DNAJC7: variants seen among roughly 807,000 people sequenced by gnomAD.
The protein encoded by DNAJC7 is DnaJ heat shock protein family (Hsp40) member C7.
DNAJC7 carries 18 observed loss-of-function variants against 67.4 expected under a neutral mutation model. The observed-to-expected ratio is 0.27, with a 90% CI of 0.18 to 0.40. DNAJC7 has a LOEUF of 0.40. DNAJC7 is among the 10% of genes least tolerant of loss of function. The probability of loss-of-function intolerance (pLI) is 1.00; values close to 1 mark genes in which losing one functional copy is unlikely to be tolerated. For synonymous variants in DNAJC7, 220 were observed against 207.8 expected (o/e 1.06, Z -0.50); for missense variants, 419 against 613.8 (o/e 0.68, Z 3.35).
chr17:41,996,737 C>T (rs1340592649), intron 3 of DNAJC7, among the ~76,000 whole-genome samples: 5 of 152,044 alleles, frequency 3.3e-5, no homozygotes, highest in South Asian at 2.1e-4. Flanking sequence ...AAGCCGAGAT[C>T]GCGCCACTGC....
At chr17:41,985,098 G>C (rs1440147304) in intron 9 of DNAJC7, 1 of 152,354 alleles carries the variant, frequency 6.6e-6, no homozygotes, top group Non-Finnish European at 1.5e-5. Flanking sequence ...CAAAGTGCTG[G>C]GATTATAGGC....
intron 6 of DNAJC7, among the ~76,000 whole-genome samples, 170 bp from the exon 7 acceptor site, chr17:41,989,727 A>G (rs2051465774): frequency 6.6e-6 from 1 of 152,212 alleles, no homozygotes; most frequent in East Asian, 1.9e-4. Context: ...AACCACCTAT[A>G]ATTATCTTTA....
At chr17:41,984,971 G>C (rs1309790611) in intron 9 of DNAJC7, 1 of 152,286 alleles carries the variant, frequency 6.6e-6, no homozygotes, top group Non-Finnish European at 1.5e-5. Flanking sequence ...GGGATTACAG[G>C]CATGTGCCAC....
chr17:41,977,992 C>G (rs1374006938), intron 12 of DNAJC7, among the ~76,000 whole-genome samples: 1 of 152,104 alleles, frequency 6.6e-6, no homozygotes, highest in Admixed American at 6.5e-5. Flanking sequence ...CTACTAGGTG[C>G]AAAGTACTAG....
At chr17:42,014,277 C>T (rs1216258359) in intron 1 of DNAJC7, 1 of 150,798 alleles carries the variant, frequency 6.6e-6, no homozygotes, top group Non-Finnish European at 1.5e-5. Context: ...AAGCGACTCT[C>T]CTGCCTCAGA....
At chr17:41,990,120 T>C (rs2051475867) in intron 6 of DNAJC7, 144 bp downstream of exon 6, 2 of 720,646 alleles carry the variant, frequency 2.8e-6, no homozygotes, top group East Asian at 5.5e-5. Flanking sequence ...TCAAAGCTGG[T>C]CTAATCTTTG....
chr17:41,994,814 C>T (rs1015980349), intron 5 of DNAJC7, 56 bp downstream of exon 5: 5 of 1,491,734 alleles, frequency 3.4e-6, no homozygotes, highest in Non-Finnish European at 3.7e-6. Flanking sequence ...CACACACACA[C>T]GAATGGGAAT....
chr17:42,016,992 G>A, intron 1 of DNAJC7: 1 of 1,257,190 alleles, frequency 8.0e-7, no homozygotes, highest in Non-Finnish European at 1.0e-6. Context: ...CGCGGGGGTC[G>A]GGGGCGATGT....
At chr17:41,994,740 C>A (rs1337338176) in intron 5 of DNAJC7, 130 bp downstream of exon 5, 6 of 713,272 alleles carry the variant, frequency 8.4e-6, no homozygotes, top group East Asian at 5.2e-5. Context: ...AAGTCAGAAG[C>A]CTAATTTAAG....
chr17:41,997,932 T>TGCAC (rs2051705103), intron 2 of DNAJC7, among the ~76,000 whole-genome samples: 1 of 152,110 alleles, frequency 6.6e-6, no homozygotes, highest in Admixed American at 6.5e-5. Context: ...GTATGATCTC[T>TGCAC]GCTCACTGCA....
intron 4 of DNAJC7, among the ~76,000 whole-genome samples, chr17:41,995,853 G>C (rs1465873316): frequency 6.6e-6 from 1 of 152,130 alleles, no homozygotes; most frequent in Admixed American, 6.5e-5. Flanking sequence ...TGTTGCCCGG[G>C]CTATAGTGCA....
At chr17:42,011,770 A>C (rs1340637957) in intron 1 of DNAJC7, 1 of 152,286 alleles carries the variant, frequency 6.6e-6, no homozygotes, top group East Asian at 1.9e-4. Flanking sequence ...AGAAGGACAC[A>C]TTCCTAAGAA....
At chr17:41,995,378 T>C (rs2051628740) in intron 4 of DNAJC7, among the ~76,000 whole-genome samples, 1 of 152,204 alleles carries the variant, frequency 6.6e-6, no homozygotes, top group African/African-American at 2.4e-5. Context: ...AGGCAATGCA[T>C]TGCCAGGGAT....
At chr17:42,017,100 CCT>C in intron 1 of DNAJC7, 1 of 1,430,126 alleles carries the variant, frequency 7.0e-7, no homozygotes, top group South Asian at 1.5e-5. Context: ...GGACGATCGT[CCT>C]CTCAGCTGGA....
chr17:42,006,594 C>T (rs557780430), intron 1 of DNAJC7, among the ~76,000 whole-genome samples: 5 of 146,350 alleles, frequency 3.4e-5, no homozygotes, highest in South Asian at 2.2e-4. Flanking sequence ...GTCAGGAGTT[C>T]GAGACCAGCC....
intron 8 of DNAJC7, 27 bp from the exon 9 acceptor site, chr17:41,987,937 T>C: frequency 6.3e-7 from 1 of 1,587,990 alleles, no homozygotes; most frequent in Non-Finnish European, 8.6e-7. Context: ...GCAATCATAC[T>C]TCACACCTTT....
chr17:42,014,814 C>T (rs1288270245), intron 1 of DNAJC7: 1 of 152,044 alleles, frequency 6.6e-6, no homozygotes, highest in Non-Finnish European at 1.5e-5. Context: ...CCGCCTTGGC[C>T]TCCCAAAGTG....
chr17:41,976,806 G>A (rs567890037), intron 13 of DNAJC7, 36 bp from the exon 14 acceptor site: 2 of 1,600,426 alleles, frequency 1.2e-6, no homozygotes, highest in Non-Finnish European at 8.5e-7. Flanking sequence ...GTTGGCTATG[G>A]ATTTTCTAAG....
At chr17:41,986,032 T>C in intron 9 of DNAJC7, 1 of 102,768 alleles carries the variant, frequency 9.7e-6, no homozygotes, top group East Asian at 3.2e-4. Context: ...TTTTCTATGG[T>C]GTTGGGGGCT....
Sources: gnomAD v4.1 joint callset for allele counts (sites outside exome capture counted in the v4.1 genomes callset) on GRCh38, gnomAD v4.1.1 for gene constraint, MANE v1.5 for transcripts, NCBI Gene and HGNC (gene_info 2026-07-23, HGNC 2026-07-21) for gene names.